SOX5: variants seen among roughly 807,000 people sequenced by gnomAD.
SOX5 encodes SRY-box transcription factor 5, also known as transcription factor SOX-5.
In SOX5, 9 loss-of-function variants were observed where a neutral mutation model predicts 92.0. That is an observed-to-expected ratio of 0.10 (90% CI 0.06 to 0.17). SOX5 has a LOEUF of 0.17. Among genes scored for constraint, SOX5 ranks in the 10% least tolerant of loss-of-function variants. The pLI is 1.00. For missense variants in SOX5, 642 were observed against 944.5 expected, an observed-to-expected ratio of 0.68 and a Z score of 4.20; for synonymous variants, 344 against 336.3, an observed-to-expected ratio of 1.02 and a Z score of -0.25.
chr12:24,346,290 C>G (rs1191347864), intron 2 of SOX5, among the ~76,000 whole-genome samples: 3 of 152,112 alleles, frequency 2.0e-5, no homozygotes, highest in Non-Finnish European at 4.4e-5. Flanking sequence ...TTGTGCCAAG[C>G]TGAACCTTGA....
intron 14 of SOX5, among the ~76,000 whole-genome samples, chr12:23,535,067 C>A (rs985693228): frequency 1.3e-5 from 2 of 152,076 alleles, no homozygotes; most frequent in Non-Finnish European, 2.9e-5. Flanking sequence ...ATGTGTTGTC[C>A]ATCTTATTCT....
At chr12:24,243,104 A>C (rs1937808635) in intron 3 of SOX5, among the ~76,000 whole-genome samples, 1 of 152,140 alleles carries the variant, frequency 6.6e-6, no homozygotes, top group African/African-American at 2.4e-5. Flanking sequence ...TTTCTCCTGA[A>C]TATTTTAAAA....
At position 24,535,554 on chromosome 12, in the gene SOX5, C is replaced by T. The variant is rs116268812; in HGVS notation, c.-251+26775G>A. On this transcript the variant is annotated intron_variant, in intron 1 of 4. Coordinates refer to the SOX5 transcript ENST00000446891. ...GCTTGCTTTTCCAATTGCAGTAGCC[C>T]AGCCAAGGATTTTGTGATGAGGAAT... Among the ~76,000 whole-genome samples, 1,478 of 152,276 alleles carry T rather than the reference C, an allele frequency of 9.7e-3. 22 individuals carry two copies. Among genetic ancestry groups the T allele is most frequent in the African/African-American group, 0.034 (1,400 of 41,556 alleles).
At chr12:23,718,170 C>T (rs2092617817) in intron 6 of SOX5, among the ~76,000 whole-genome samples, 1 of 151,900 alleles carries the variant, frequency 6.6e-6, no homozygotes, top group Non-Finnish European at 1.5e-5. Context: ...AAAAGAACAT[C>T]AAAGTTTAGT....
chr12:23,644,619 A>T (rs926507395), intron 7 of SOX5, among the ~76,000 whole-genome samples: 1 of 152,214 alleles, frequency 6.6e-6, no homozygotes, highest in African/African-American at 2.4e-5. Context: ...TAGAAAAATT[A>T]TACCATGCTC....
At chr12:23,922,249 G>A (rs1395512988) in intron 1 of SOX5, among the ~76,000 whole-genome samples, 3 of 152,096 alleles carry the variant, frequency 2.0e-5, no homozygotes, top group Non-Finnish European at 4.4e-5. Flanking sequence ...TAAAAAGAAA[G>A]AAAGAAAGAA....
intron 3 of SOX5, among the ~76,000 whole-genome samples, chr12:24,214,600 C>T (rs908182589): frequency 1.3e-5 from 2 of 151,978 alleles, no homozygotes; most frequent in Non-Finnish European, 2.9e-5. Context: ...TTGCAACAAG[C>T]TTATTAAAAT....
chr12:23,909,980 G>A (rs1334796461), intron 1 of SOX5, among the ~76,000 whole-genome samples: 2 of 151,762 alleles, frequency 1.3e-5, no homozygotes, highest in African/African-American at 4.8e-5. Context: ...CAAGTTTATG[G>A]AGGCATGATC....
At chr12:24,395,630 T>C (rs966892574) in intron 1 of SOX5, among the ~76,000 whole-genome samples, 6 of 152,178 alleles carry the variant, frequency 3.9e-5, no homozygotes, top group Non-Finnish European at 8.8e-5. Flanking sequence ...AAATATGCAA[T>C]ATAACATTCT....
At chr12:24,139,301 G>A (rs1160170701) in intron 4 of SOX5, among the ~76,000 whole-genome samples, 2 of 152,152 alleles carry the variant, frequency 1.3e-5, no homozygotes, top group African/African-American at 4.8e-5. Flanking sequence ...AATGGCTGTT[G>A]TAATGTTTTA....
At chr12:23,907,048 GCTTT>G (rs2097301616) in intron 1 of SOX5, among the ~76,000 whole-genome samples, 1 of 151,910 alleles carries the variant, frequency 6.6e-6, no homozygotes, top group Admixed American at 6.6e-5. Flanking sequence ...AATCTTTTCT[GCTTT>G]CTATCAGAAC....
intron 2 of SOX5, among the ~76,000 whole-genome samples, chr12:24,346,050 A>G (rs983007213): frequency 1.3e-5 from 2 of 152,222 alleles, no homozygotes; most frequent in African/African-American, 2.4e-5. Context: ...CTTCATCAAC[A>G]TTAAGTTTCA....
At chr12:23,608,112 A>C (rs2137638262) in intron 8 of SOX5, among the ~76,000 whole-genome samples, 1 of 146,752 alleles carries the variant, frequency 6.8e-6, no homozygotes, top group Non-Finnish European at 1.5e-5. Flanking sequence ...TCAAAAGAAA[A>C]AAGAAAAAAA....
intron 1 of SOX5, among the ~76,000 whole-genome samples, chr12:24,418,708 T>A (rs966275577): frequency 2.0e-5 from 3 of 152,218 alleles, no homozygotes; most frequent in Non-Finnish European, 2.9e-5. Flanking sequence ...AATATTACCT[T>A]TATTATTAAA....
intron 2 of SOX5, among the ~76,000 whole-genome samples, chr12:23,866,086 TC>T (rs2096809480): frequency 6.6e-6 from 1 of 152,218 alleles, no homozygotes; most frequent in Non-Finnish European, 1.5e-5. Context: ...CTGATGAAGA[TC>T]CTGTGAACAC....
chr12:24,136,711 C>G (rs920929641), intron 4 of SOX5, among the ~76,000 whole-genome samples: 1 of 152,202 alleles, frequency 6.6e-6, no homozygotes, highest in Non-Finnish European at 1.5e-5. Context: ...AATGACTTTC[C>G]CACTCCTTCA....
chr12:24,480,993 T>G (rs1205699008), intron 1 of SOX5, among the ~76,000 whole-genome samples: 1 of 152,032 alleles, frequency 6.6e-6, no homozygotes, highest in Non-Finnish European at 1.5e-5. Context: ...TAGCCAAGAT[T>G]CAGAAGCAAC....
At chr12:24,431,064 G>A (rs576889511) in intron 1 of SOX5, among the ~76,000 whole-genome samples, 2 of 152,264 alleles carry the variant, frequency 1.3e-5, no homozygotes, top group South Asian at 2.1e-4. Context: ...AAAGCAGAAG[G>A]TTGTCATATT....
intron 8 of SOX5, 117 bp from the exon 9 acceptor site, chr12:23,604,650 T>C: frequency 1.1e-6 from 1 of 907,370 alleles, no homozygotes; most frequent in Non-Finnish European, 1.6e-6. Flanking sequence ...TTTTGTTTAG[T>C]GCACTGGAAT....
Sources: gnomAD v4.1 joint callset for allele counts (sites outside exome capture counted in the v4.1 genomes callset) on GRCh38, gnomAD v4.1.1 for gene constraint, MANE v1.5 for transcripts, NCBI Gene and HGNC (gene_info 2026-07-23, HGNC 2026-07-21) for gene names.